Variants in GPR139 observed in about 807,000 individuals in gnomAD.
The protein encoded by GPR139 is G protein-coupled receptor 139, also known as probable G protein-coupled receptor 139.
A neutral mutation model predicts 25.8 loss-of-function variants in GPR139; 12 were observed. The ratio of observed to expected loss-of-function variants is 0.47; its 90% CI spans 0.30 to 0.75. GPR139 has a LOEUF of 0.75. GPR139 is among the 30% of genes least tolerant of loss of function. GPR139 has a pLI of 0.07. For synonymous variants in GPR139, 184 were observed against 179.9 expected (o/e 1.02, Z -0.18); for missense variants, 380 against 450.2 (o/e 0.84, Z 1.41).
chr16:20,031,619 G>A lies in GPR139; in HGVS notation c.*116C>T. 1.3e-6 allele frequency: 1 copy of A among 762,376 alleles called. No homozygotes were observed. Among genetic ancestry groups the A allele is most frequent in the Non-Finnish European group, 2.3e-6 (1 of 443,526 alleles). 47.2% of individuals were successfully genotyped at this position (762,376 alleles called of 1,614,324 possible). On this transcript the variant is annotated 3_prime_UTR_variant, in exon 2 of 2. Coordinates refer to ENST00000570682, the MANE Select transcript of GPR139 (RefSeq NM_001002911.4). ...TACCAGTCTGAGAATTGCCCAGTCT[G>A]CGGGAGACAGGAAATCGGATTAGCA...
At chr16:20,070,985 A>G (rs1223211267) in intron 1 of GPR139, 50 of 985,404 alleles carry the variant, frequency 5.1e-5, no homozygotes, top group Non-Finnish European at 6.0e-5. Flanking sequence ...CTGAGCAAGC[A>G]GACCGCCCTC....
At chr16:20,069,747 G>A (rs1320110492) in intron 1 of GPR139, among the ~76,000 whole-genome samples, 1 of 152,044 alleles carries the variant, frequency 6.6e-6, no homozygotes, top group Non-Finnish European at 1.5e-5. Context: ...ATTTCACACT[G>A]CTCCTTCCTT....
intron 1 of GPR139, among the ~76,000 whole-genome samples, chr16:20,060,816 C>T (rs1230005292): frequency 6.6e-6 from 1 of 152,128 alleles, no homozygotes. Context: ...TATGTGTGTA[C>T]CAGTCCCCTC....
intron 1 of GPR139, among the ~76,000 whole-genome samples, chr16:20,055,439 G>A (rs978420891): frequency 2.6e-5 from 4 of 152,050 alleles, no homozygotes; most frequent in Non-Finnish European, 4.4e-5. Flanking sequence ...ACATATGTCC[G>A]GAGTCTCACA....
chr16:20,055,014 C>A lies in GPR139; in HGVS notation c.127+18476G>T, dbSNP rs193288489. Among the ~76,000 whole-genome samples the A allele has an allele frequency of 1.9e-4, 29 of 152,300 alleles. No homozygotes were observed. In the East Asian group the frequency reaches 4.8e-3, roughly 25 times the overall value. On this transcript the variant is annotated intron_variant, in intron 1 of 1. Transcript: ENST00000570682. ...AAGTGCTGGGATTACAGGTGTGAAC[C>A]ACTGTGCCCAGCCCCAGATTATTTC...
intron 1 of GPR139, among the ~76,000 whole-genome samples, chr16:20,053,441 T>C (rs996275055): frequency 2.0e-5 from 3 of 152,294 alleles, no homozygotes; most frequent in Non-Finnish European, 4.4e-5. Context: ...TGGGTTTCTT[T>C]CTTGGCAGAG....
At position 20,029,977 on chromosome 16, in the gene GPR139, G is replaced by T. The variant is rs1269691152; in HGVS notation, c.*1758C>A. Reference sequence around the variant, plus strand: ...CTTTTGCAAAGGTAACTTTGGCTCTGTAAGGTTTTATCTTTTGCACTGACT... The same window carrying T: ...CTTTTGCAAAGGTAACTTTGGCTCTTTAAGGTTTTATCTTTTGCACTGACT... On this transcript the variant is annotated 3_prime_UTR_variant, in exon 2 of 2. Transcript: ENST00000570682. Among the ~76,000 whole-genome samples, 1 of 152,160 alleles carries T rather than the reference G, an allele frequency of 6.6e-6. No individual in the cohort carries two copies. The highest frequency in any genetic ancestry group is 1.5e-5 in the Non-Finnish European group (1 of 68,024).
intron 1 of GPR139, among the ~76,000 whole-genome samples, chr16:20,033,536 A>G (rs1050995178): frequency 3.6e-4 from 55 of 152,284 alleles, no homozygotes; most frequent in African/African-American, 1.3e-3. Context: ...CAGGAAAGAG[A>G]CGGGACTATA....
At chr16:20,069,714 A>T (rs12926026) in intron 1 of GPR139, among the ~76,000 whole-genome samples, 39,283 of 151,786 alleles carry the variant, frequency 0.26, 5,333 homozygotes, top group Non-Finnish European at 0.3. Flanking sequence ...AATTTTTTTT[A>T]AAATCTCTCA....
chr16:20,073,156 C>T lies in GPR139; in HGVS notation c.127+334G>A, dbSNP rs547824148. On this transcript the variant is annotated intron_variant, in intron 1 of 1. Coordinates refer to ENST00000570682, the MANE Select transcript of GPR139 (RefSeq NM_001002911.4). The surrounding 1 kb of genome is among the most constrained non-coding windows in gnomAD (Gnocchi z 4.7). ...CAAACACACACAAAGCCCTCTACGC[C>T]CCCACCCCATGAAAGCCGCCCCCTC... Among the ~76,000 whole-genome samples, 1 of 151,710 alleles carries T rather than the reference C, an allele frequency of 6.6e-6. No homozygotes were observed. The highest frequency in any genetic ancestry group is 2.0e-4 in the East Asian group (1 of 5,018).
At chr16:20,038,459 C>T (rs191489737) in intron 1 of GPR139, among the ~76,000 whole-genome samples, 1 of 151,764 alleles carries the variant, frequency 6.6e-6, no homozygotes, top group Non-Finnish European at 1.5e-5. Flanking sequence ...CATATCGAAG[C>T]TCTTTAAAAG....
intron 1 of GPR139, among the ~76,000 whole-genome samples, chr16:20,058,180 A>T (rs2141211666): frequency 6.6e-6 from 1 of 152,312 alleles, no homozygotes; most frequent in Middle Eastern, 3.4e-3. Context: ...TATTTTACGG[A>T]TATGTAGAGG....
chr16:20,040,023 CT>C (rs2141203283), intron 1 of GPR139, among the ~76,000 whole-genome samples: 1 of 152,294 alleles, frequency 6.6e-6, no homozygotes, highest in African/African-American at 2.4e-5. Flanking sequence ...ACCCAGTTGC[CT>C]TTCTGTAAGA....
intron 1 of GPR139, among the ~76,000 whole-genome samples, chr16:20,069,140 G>T (rs1194098137): frequency 6.6e-6 from 1 of 152,158 alleles, no homozygotes; most frequent in Non-Finnish European, 1.5e-5. Flanking sequence ...AGTGAGTTGG[G>T]ATTTTTTCCT....
intron 1 of GPR139, among the ~76,000 whole-genome samples, chr16:20,052,375 C>G (rs1175942452): frequency 6.6e-6 from 1 of 152,196 alleles, no homozygotes. Context: ...GTTCTCTGCC[C>G]CACCTTAGAA....
At position 20,032,550 on chromosome 16, in the gene GPR139, C is replaced by T; in HGVS notation, c.247G>A (p.Val83Met). The T allele has an allele frequency of 6.2e-7, 1 of 1,614,166 alleles. No individual in the cohort carries two copies. Among genetic ancestry groups the T allele is most frequent in the Non-Finnish European group, 8.5e-7 (1 of 1,180,020 alleles). Residue 83 changes from valine to methionine, a missense_variant, in exon 2 of 2, where the codon GTG (valine) becomes ATG (methionine). Coordinates refer to ENST00000570682, the MANE Select transcript of GPR139 (RefSeq NM_001002911.4). ...DILVLFFIVF[V>M]DFLLEDFILN... ...ATGAAATCTTCCAACAGGAAGTCCACAAACACTATGAAAAAGAGGACCAAG... is the reference window on the plus strand; with the variant it reads ...ATGAAATCTTCCAACAGGAAGTCCATAAACACTATGAAAAAGAGGACCAAG...
intron 1 of GPR139, among the ~76,000 whole-genome samples, chr16:20,068,040 A>G (rs1291563732): frequency 1.3e-5 from 2 of 152,014 alleles, no homozygotes; most frequent in Non-Finnish European, 2.9e-5. Context: ...TCCATAATTG[A>G]TATTTTCTCG....
chr16:20,044,930 T>C (rs1020168559), intron 1 of GPR139, among the ~76,000 whole-genome samples: 1 of 151,160 alleles, frequency 6.6e-6, no homozygotes, highest in Non-Finnish European at 1.5e-5. Context: ...CATTTAACAA[T>C]AACAGTTCCC....
rs2057468299 is a variant in GPR139, at chr16:20,073,507, A to T, written c.110T>A (p.Leu37Gln). ...CCCCTCACCTGGTAAACCGAGGCAC[A>T]GCAAGAGGCTGTAGTAGACCACGGG... ...FVPVVYYSLL[L>Q]CLGLPANILT... is the part of the protein sequence containing the mutation. Residue 37 changes from leucine (L) to glutamine (Q), a missense_variant, in exon 1 of 2, where the codon CTG becomes CAG. Transcript: ENST00000570682. This position sits in a 1 kb window ranked among gnomAD's most constrained non-coding sequence, Gnocchi z 4.7. 6.2e-7 allele frequency: 1 copy of T among 1,611,740 alleles called. No homozygotes were observed. The highest frequency in any genetic ancestry group is 1.3e-5 in the African/African-American group (1 of 74,836).
Sources: gnomAD v4.1 joint callset for allele counts (sites outside exome capture counted in the v4.1 genomes callset) on GRCh38, gnomAD v4.1.1 for gene constraint, Gnocchi (gnomAD v3.1) non-coding constraint, MANE v1.5 for transcripts, NCBI Gene and HGNC (gene_info 2026-07-23, HGNC 2026-07-21) for gene names.